The following FBXO34 variants were observed in gnomAD, a reference collection of about 807,000 sequenced individuals.
FBXO34 encodes the protein F-box protein 34.
In FBXO34, 12 loss-of-function variants were observed where a neutral mutation model predicts 24.5. That is an observed-to-expected ratio of 0.49 (90% CI 0.31 to 0.79). The LOEUF is 0.79. Ranked by LOEUF, FBXO34 falls within the 30% of genes least tolerant of loss-of-function variation. The probability of loss-of-function intolerance (pLI) is 0.04; values close to 1 mark genes in which losing one functional copy is unlikely to be tolerated. For synonymous variants in FBXO34, 320 were observed against 311.9 expected (o/e 1.03, Z -0.27); for missense variants, 823 against 857.7 (o/e 0.96, Z 0.51).
At chr14:55,370,327 G>A (rs1884785345), downstream of FBXO34, among the ~76,000 whole-genome samples, 1 of 152,158 alleles carries the variant, frequency 6.6e-6, no homozygotes, top group Non-Finnish European at 1.5e-5. Context: ...GTATACTCTG[G>A]ATATTATTTA....
the FBXO34 span, among the ~76,000 whole-genome samples, chr14:55,416,800 A>C: frequency 6.6e-6 from 1 of 152,222 alleles, no homozygotes; most frequent in Non-Finnish European, 1.5e-5. Context: ...GCAAACACAC[A>C]CATGCCCCTC....
the FBXO34 span, chr14:55,436,696 A>G: frequency 6.2e-7 from 1 of 1,614,222 alleles, no homozygotes. Context: ...ACCAGGGTGC[A>G]GCTGTGAATG....
chr14:55,338,460 G>T (rs1462231645), intron 1 of FBXO34, among the ~76,000 whole-genome samples: 1 of 151,790 alleles, frequency 6.6e-6, no homozygotes, highest in African/African-American at 2.4e-5. Context: ...TACTTCTTGG[G>T]GTTTTATGGG....
At position 55,299,064 on chromosome 14, in the gene FBXO34, GT is replaced by G. The variant is rs1882247896; in HGVS notation, c.-11+27528del. 5 of 1,554,552 alleles carry G rather than the reference GT, an allele frequency of 3.2e-6. No homozygotes were observed. In the African/African-American group the frequency reaches 6.8e-5, roughly 21 times the overall value. On this transcript the variant is annotated intron_variant, in intron 1 of 1. Coordinates refer to ENST00000313833, the MANE Select transcript of FBXO34 (RefSeq NM_017943.4). ...GATTTCAACAGCAATTTCGAAACCT[GT>G]AGGGTTTGGAGAAAAGTCTGACGAG...
chr14:55,432,953 T>C, the FBXO34 span, among the ~76,000 whole-genome samples: 1 of 152,134 alleles, frequency 6.6e-6, no homozygotes, highest in South Asian at 2.1e-4. Flanking sequence ...CTTTAGAAAG[T>C]TCTATCCATT....
intron 1 of FBXO34, among the ~76,000 whole-genome samples, chr14:55,315,623 G>A (rs1256770765): frequency 3.3e-5 from 5 of 152,046 alleles, no homozygotes. Context: ...TGTATGGTTG[G>A]GTATAAAATT....
At chr14:55,388,358 G>A in the FBXO34 span, among the ~76,000 whole-genome samples, 4 of 152,168 alleles carry the variant, frequency 2.6e-5, no homozygotes, top group Admixed American at 2.6e-4. Context: ...ACTTGCAGGT[G>A]GCAGGAAATC....
At chr14:55,322,671 A>G (rs904778534) in intron 1 of FBXO34, among the ~76,000 whole-genome samples, 5 of 152,044 alleles carry the variant, frequency 3.3e-5, no homozygotes, top group Admixed American at 6.6e-5. Flanking sequence ...GCATATTGCA[A>G]ATATTATTGT....
chr14:55,284,070 C>G (rs1228126782), intron 1 of FBXO34, among the ~76,000 whole-genome samples: 1 of 151,962 alleles, frequency 6.6e-6, no homozygotes, highest in Non-Finnish European at 1.5e-5. Context: ...ACGGTCATAG[C>G]TTACTGCAGC....
intron 1 of FBXO34, among the ~76,000 whole-genome samples, chr14:55,346,500 T>TTGGGG (rs1259003116): frequency 3.3e-5 from 5 of 152,162 alleles, no homozygotes; most frequent in African/African-American, 4.8e-5. Flanking sequence ...TCCAGGTGAG[T>TTGGGG]ATGTCTACCA....
intron 1 of FBXO34, among the ~76,000 whole-genome samples, chr14:55,350,072 T>G (rs1425320975): frequency 6.6e-6 from 1 of 151,800 alleles, no homozygotes; most frequent in Non-Finnish European, 1.5e-5. Context: ...AAGTTCAGAT[T>G]TTTTTTTAAT....
chr14:55,408,951 A>C, the FBXO34 span, among the ~76,000 whole-genome samples: 1 of 152,176 alleles, frequency 6.6e-6, no homozygotes, highest in Non-Finnish European at 1.5e-5. Flanking sequence ...TTTTATTTTA[A>C]ATGCAATGGG....
chr14:55,371,101 TC>T (rs1884807103), downstream of FBXO34, among the ~76,000 whole-genome samples: 1 of 152,154 alleles, frequency 6.6e-6, no homozygotes. Flanking sequence ...TGCCGCTCTC[TC>T]CCTGCTGCTG....
In FBXO34 at chr14:55,351,391, A is replaced by G. The variant is rs747990686; in HGVS notation, c.1001A>G (p.Glu334Gly). ...GGCAAAACAAAGAAAGGCGTCTTGG[A>G]GGCACCTGACACTCAGGTGAATCCT... is the stretch of plus-strand genomic sequence containing the variant. ...DEGKTKKGVL[E>G]APDTQVNPVG... The change falls in exon 2 of 2, where the codon GAG (glutamate) becomes GGG (glycine). Residue 334 changes from glutamate (E) to glycine (G), a missense_variant. Coordinates refer to ENST00000313833, the MANE Select transcript of FBXO34 (RefSeq NM_017943.4). The G allele has an allele frequency of 6.2e-7, 1 of 1,614,202 alleles. No homozygotes were observed. Among genetic ancestry groups the G allele is most frequent in the Admixed American group, 1.7e-5 (1 of 60,020 alleles).
chr14:55,384,898 T>C, the FBXO34 span, among the ~76,000 whole-genome samples: 1 of 152,154 alleles, frequency 6.6e-6, no homozygotes, highest in Admixed American at 6.5e-5. Flanking sequence ...TATAGAAATA[T>C]TACAAGATGG....
At chr14:55,418,022 T>G in the FBXO34 span, among the ~76,000 whole-genome samples, 1 of 152,224 alleles carries the variant, frequency 6.6e-6, no homozygotes, top group Non-Finnish European at 1.5e-5. Flanking sequence ...GGATGTGAGC[T>G]AAGGTTTGTA....
downstream of FBXO34, among the ~76,000 whole-genome samples, chr14:55,371,227 G>C (rs368856217): frequency 2.0e-5 from 3 of 152,158 alleles, no homozygotes; most frequent in South Asian, 6.2e-4. Flanking sequence ...GCCTAGAATC[G>C]TATAGCTTGC....
chr14:55,296,520 G>A (rs1014488812), intron 1 of FBXO34, among the ~76,000 whole-genome samples: 9 of 146,890 alleles, frequency 6.1e-5, no homozygotes, highest in Middle Eastern at 3.6e-3. Context: ...TCAGCCTCCC[G>A]AGTAGCTGGA....
chr14:55,283,060 G>A (rs939100999), intron 1 of FBXO34, among the ~76,000 whole-genome samples: 1 of 152,158 alleles, frequency 6.6e-6, no homozygotes, highest in Non-Finnish European at 1.5e-5. Flanking sequence ...TAGGGAATAG[G>A]TTTCTCTTGT....
Sources: gnomAD v4.1 joint callset for allele counts (sites outside exome capture counted in the v4.1 genomes callset) on GRCh38, gnomAD v4.1.1 for gene constraint, MANE v1.5 for transcripts, NCBI Gene and HGNC (gene_info 2026-07-23, HGNC 2026-07-21) for gene names.